PLA2R1: variants seen among roughly 807,000 people sequenced by gnomAD.
PLA2R1 encodes phospholipase A2 receptor 1.
A neutral mutation model predicts 195.9 loss-of-function variants in PLA2R1; 158 were observed. The ratio of observed to expected loss-of-function variants is 0.81; its 90% CI spans 0.71 to 0.92. The LOEUF is 0.92. Among genes scored for constraint, PLA2R1 ranks in the 40% least tolerant of loss-of-function variants. The pLI is 0.00. For missense variants in PLA2R1, 1,626 were observed against 1,764.6 expected (o/e 0.92, Z 1.41); for synonymous variants, 586 against 598.2 (o/e 0.98, Z 0.30).
At chr2:160,011,966 CTGTT>C (rs1444327819) in intron 10 of PLA2R1, among the ~76,000 whole-genome samples, 3 of 149,134 alleles carry the variant, frequency 2.0e-5, no homozygotes, top group East Asian at 2.0e-4. Flanking sequence ...GTGCGTGTGT[CTGTT>C]TGTGTGTGTG....
chr2:159,985,651 G>T (rs1313175719), intron 12 of PLA2R1, among the ~76,000 whole-genome samples: 1 of 152,068 alleles, frequency 6.6e-6, no homozygotes, highest in African/African-American at 2.4e-5. Flanking sequence ...AGCTGCAAAA[G>T]CTATCCTTAT....
intron 1 of PLA2R1, among the ~76,000 whole-genome samples, chr2:160,057,519 T>C (rs1277464066): frequency 6.6e-6 from 1 of 152,228 alleles, no homozygotes; most frequent in Admixed American, 6.5e-5. Flanking sequence ...TTCCCAGGAA[T>C]GCTCAGTCTC....
downstream of PLA2R1, among the ~76,000 whole-genome samples, chr2:159,931,598 G>T (rs917483452): frequency 6.6e-6 from 1 of 152,158 alleles, no homozygotes; most frequent in African/African-American, 2.4e-5. Context: ...CTGTTGCCCA[G>T]GCTGGAGTGC....
chr2:160,007,300 T>C (rs1692055398), intron 10 of PLA2R1, among the ~76,000 whole-genome samples: 1 of 152,230 alleles, frequency 6.6e-6, no homozygotes. Context: ...AGGGAAGTGC[T>C]GGGAGGAGAA....
intron 1 of PLA2R1, among the ~76,000 whole-genome samples, chr2:160,054,594 A>G (rs1457531146): frequency 6.6e-6 from 1 of 152,236 alleles, no homozygotes; most frequent in Non-Finnish European, 1.5e-5. Context: ...TCATAAATTA[A>G]AAAGCCAAGT....
At chr2:159,983,853 A>C in intron 13 of PLA2R1, 75 bp downstream of exon 13, 1 of 693,986 alleles carries the variant, frequency 1.4e-6, no homozygotes, top group Non-Finnish European at 2.4e-6. Context: ...ACTACTTGGG[A>C]TACTCACCCC....
chr2:159,929,995 ACGT>A (rs977473280), downstream of PLA2R1, among the ~76,000 whole-genome samples: 25 of 152,136 alleles, frequency 1.6e-4, no homozygotes, highest in African/African-American at 5.1e-4. Context: ...GGAAAACCAA[ACGT>A]CGTATGTTCT....
intron 17 of PLA2R1, among the ~76,000 whole-genome samples, chr2:159,975,320 A>G (rs1222133912): frequency 6.6e-6 from 1 of 152,190 alleles, no homozygotes; most frequent in Non-Finnish European, 1.5e-5. Context: ...AGTGCCTGGC[A>G]CATACTTGAT....
chr2:160,016,279 A>G (rs1209767563), intron 9 of PLA2R1, among the ~76,000 whole-genome samples: 4 of 148,884 alleles, frequency 2.7e-5, no homozygotes, highest in African/African-American at 7.3e-5. Flanking sequence ...AAAAAAAAGA[A>G]AAAGAAAAAG....
At chr2:159,924,054 G>A in the PLA2R1 span, among the ~76,000 whole-genome samples, 1 of 152,134 alleles carries the variant, frequency 6.6e-6, no homozygotes, top group Non-Finnish European at 1.5e-5. Flanking sequence ...GGTTCTGGAG[G>A]AGAACCCGTT....
chr2:159,959,646 G>A (rs1419355936), intron 20 of PLA2R1, among the ~76,000 whole-genome samples: 1 of 152,008 alleles, frequency 6.6e-6, no homozygotes, highest in South Asian at 2.1e-4. Flanking sequence ...CTCAATATTT[G>A]GAAATGAAAT....
At chr2:160,005,250 T>G (rs1691895018) in intron 11 of PLA2R1, among the ~76,000 whole-genome samples, 2 of 150,728 alleles carry the variant, frequency 1.3e-5, no homozygotes, top group Admixed American at 1.3e-4. Context: ...AGCCCAGGAG[T>G]TCAATATCAG....
chr2:159,976,443 A>T (rs1689561220), intron 16 of PLA2R1, among the ~76,000 whole-genome samples: 1 of 152,158 alleles, frequency 6.6e-6, no homozygotes, highest in Non-Finnish European at 1.5e-5. Flanking sequence ...TAGTATTAAA[A>T]GGTCGGGGAT....
At chr2:160,016,743 T>C (rs372793434) in intron 8 of PLA2R1, 31 bp from the exon 9 acceptor site, 1 of 1,049,100 alleles carries the variant, frequency 9.5e-7, no homozygotes, top group South Asian at 1.3e-5. Flanking sequence ...AGAGAATGAA[T>C]ACACTCTGTG....
At chr2:160,059,723 A>C (rs1434517942) in intron 1 of PLA2R1, among the ~76,000 whole-genome samples, 1 of 152,202 alleles carries the variant, frequency 6.6e-6, no homozygotes, top group Non-Finnish European at 1.5e-5. Context: ...CTCACAGTTC[A>C]ACATGGCTGG....
intron 1 of PLA2R1, among the ~76,000 whole-genome samples, chr2:160,049,536 C>A (rs1263646065): frequency 6.6e-6 from 1 of 152,180 alleles, no homozygotes; most frequent in Non-Finnish European, 1.5e-5. Context: ...AAGGGAGTTC[C>A]ATCAGTTCCA....
chr2:159,964,876 A>G (rs537969353), intron 20 of PLA2R1, among the ~76,000 whole-genome samples: 2 of 152,174 alleles, frequency 1.3e-5, no homozygotes, highest in South Asian at 2.1e-4. Flanking sequence ...AAAATACAAA[A>G]ATTAGTCAGG....
chr2:159,964,909 C>T (rs1688686663), intron 20 of PLA2R1, among the ~76,000 whole-genome samples: 1 of 151,924 alleles, frequency 6.6e-6, no homozygotes, highest in South Asian at 2.1e-4. Flanking sequence ...CACCTGTAAC[C>T]CCAGCTACCT....
At chr2:160,032,839 T>G (rs932349590) in intron 4 of PLA2R1, 120 bp downstream of exon 4, 2 of 841,312 alleles carry the variant, frequency 2.4e-6, no homozygotes, top group Non-Finnish European at 3.7e-6. Context: ...TTGGGCCATA[T>G]TATGGAAAGA....
Sources: allele counts gnomAD v4.1 joint callset (sites outside exome capture counted in the v4.1 genomes callset), GRCh38; gene constraint gnomAD v4.1.1; transcripts MANE v1.5; gene names NCBI Gene and HGNC (gene_info 2026-07-23, HGNC 2026-07-21).